Variants in ACTN2 observed in about 807,000 individuals in gnomAD.
The protein encoded by ACTN2 is alpha-actinin-2.
ACTN2 carries 39 observed loss-of-function variants against 113.8 expected under a neutral mutation model. The observed-to-expected ratio is 0.34, with a 90% CI of 0.27 to 0.45. ACTN2 has a LOEUF of 0.45. Ranked by LOEUF, ACTN2 falls within the 20% of genes least tolerant of loss-of-function variation. The pLI is 1.00. For missense variants in ACTN2, 992 were observed against 1,177.9 expected (o/e 0.84, Z 2.31); for synonymous variants, 429 against 444.1 (o/e 0.97, Z 0.43).
At chr1:236,753,860 C>CCCCCCAAGGAAAAAT in intron 15 of ACTN2, 87 bp from the exon 16 acceptor site, 1 of 1,320,870 alleles carries the variant, frequency 7.6e-7, no homozygotes, top group Non-Finnish European at 1.1e-6. Flanking sequence ...CTCCCACCCC[C>CCCCCCAAGGAAAAAT]ACCCCTTGGA....
At chr1:236,730,681 AT>A (rs1658689012) in intron 6 of ACTN2, among the ~76,000 whole-genome samples, 1 of 152,086 alleles carries the variant, frequency 6.6e-6, no homozygotes, top group African/African-American at 2.4e-5. Flanking sequence ...TAAGAACAAA[AT>A]TTTTTTCATG....
At chr1:236,746,579 G>A (rs1659244939) in intron 12 of ACTN2, among the ~76,000 whole-genome samples, 1 of 151,980 alleles carries the variant, frequency 6.6e-6, no homozygotes, top group African/African-American at 2.4e-5. Context: ...AGTGGCACAT[G>A]CCTGTAGTCC....
chr1:236,721,248 G>A (rs1324780999), intron 4 of ACTN2, among the ~76,000 whole-genome samples: 1 of 151,364 alleles, frequency 6.6e-6, no homozygotes, highest in Non-Finnish European at 1.5e-5. Context: ...GGATGGTCTC[G>A]ATCTCCTGAG....
chr1:236,703,481 A>T, intron 1 of ACTN2, among the ~76,000 whole-genome samples: 1 of 92,282 alleles, frequency 1.1e-5, no homozygotes, highest in Non-Finnish European at 2.1e-5. Flanking sequence ...AACATGTCTT[A>T]GACTTTGATT....
chr1:236,688,178 A>T (rs966696698), intron 1 of ACTN2, among the ~76,000 whole-genome samples: 2 of 152,074 alleles, frequency 1.3e-5, no homozygotes, highest in African/African-American at 4.8e-5. Context: ...AATTTTTAGC[A>T]GTGAGTGTTT....
intron 10 of ACTN2, among the ~76,000 whole-genome samples, chr1:236,740,625 C>T (rs950987027): frequency 4.8e-4 from 73 of 151,570 alleles, no homozygotes; most frequent in African/African-American, 1.7e-3. Flanking sequence ...CTCTGCCTCC[C>T]GAGTTCAAGC....
Position 236,757,610 on chromosome 1 carries a change from C to A in ACTN2, c.2279C>A (p.Ala760Asp). 6.2e-7 allele frequency: 1 copy of A among 1,614,152 alleles called. No homozygotes were observed. Among genetic ancestry groups the A allele is most frequent in the Non-Finnish European group, 8.5e-7 (1 of 1,180,036 alleles). ...ITQEQMNEFR[A>D]SFNHFDRRKN... ...CAGGAGCAGATGAATGAGTTCAGAGCCTCCTTCAACCACTTTGACAGGGTA... is the reference window on the plus strand; with the variant it reads ...CAGGAGCAGATGAATGAGTTCAGAGACTCCTTCAACCACTTTGACAGGGTA... The change falls in exon 18 of 21, where the codon GCC (alanine) becomes GAC (aspartate). Residue 760 changes from alanine (A) to aspartate (D), a missense_variant. Ala to Asp is a moderately radical substitution (Grantham distance 126). Around this residue, in one of 3 missense-constraint regions of ACTN2, gnomAD observed 736 missense variants for 815.4 expected, o/e 0.90. Coordinates refer to ENST00000366578, the MANE Select transcript of ACTN2 (RefSeq NM_001103.4).
Position 236,754,681 on chromosome 1 carries a change from C to A in ACTN2, c.1975-338C>A, listed in dbSNP as rs1659500997. Among the ~76,000 whole-genome samples the A allele has an allele frequency of 6.8e-6, 1 of 145,994 alleles. No homozygotes were observed. Among genetic ancestry groups the A allele is most frequent in the African/African-American group, 2.8e-5 (1 of 35,540 alleles). ...CTGGCAGCTCCACCCAGGCAGCCCACCCCCAGCCTCCTCCAGAGCAGGGTA... is the reference window on the plus strand; with the variant it reads ...CTGGCAGCTCCACCCAGGCAGCCCAACCCCAGCCTCCTCCAGAGCAGGGTA... On this transcript the variant is annotated intron_variant, in intron 16 of 20. Transcript: ENST00000366578. The surrounding 1 kb of genome is among the most constrained non-coding windows in gnomAD (Gnocchi z 4.9).
intron 5 of ACTN2, 134 bp from the exon 6 acceptor site, chr1:236,727,543 TA>T: frequency 1.2e-6 from 1 of 838,720 alleles, no homozygotes; most frequent in Non-Finnish European, 2.0e-6. Context: ...CCGGGCGGGG[TA>T]AAGAGGAAGC....
intron 1 of ACTN2, among the ~76,000 whole-genome samples, chr1:236,706,822 A>G (rs1208492217): frequency 6.6e-6 from 1 of 152,244 alleles, no homozygotes; most frequent in Non-Finnish European, 1.5e-5. Flanking sequence ...AAACTTTAAC[A>G]GGTACAAGCT....
intron 11 of ACTN2, 43 bp from the exon 12 acceptor site, chr1:236,744,583 G>T (rs1185547262): frequency 1.2e-6 from 2 of 1,611,150 alleles, no homozygotes; most frequent in South Asian, 2.2e-5. Context: ...GGAAGCCGCT[G>T]TGCCCTCAGC....
chr1:236,709,892 T>C (rs1657974271), intron 1 of ACTN2, among the ~76,000 whole-genome samples: 1 of 152,218 alleles, frequency 6.6e-6, no homozygotes, highest in Non-Finnish European at 1.5e-5. Context: ...TTATTTTATG[T>C]AATTATTATT....
At chr1:236,747,892 A>T in intron 13 of ACTN2, 117 bp downstream of exon 13, 1 of 805,084 alleles carries the variant, frequency 1.2e-6, no homozygotes, top group South Asian at 1.5e-5. Context: ...TAGTGAAAGG[A>T]ACCTCTAAAG....
chr1:236,742,535 T>A (rs1298089099), intron 10 of ACTN2, among the ~76,000 whole-genome samples: 3 of 150,872 alleles, frequency 2.0e-5, no homozygotes, highest in East Asian at 3.9e-4. Context: ...TCCATTTCTT[T>A]AAAAAAAAAC....
intron 19 of ACTN2, among the ~76,000 whole-genome samples, 192 bp downstream of exon 19, chr1:236,759,981 C>T (rs567789545): frequency 2.0e-5 from 3 of 152,326 alleles, no homozygotes; most frequent in African/African-American, 7.2e-5. Context: ...CGCAGTGGCT[C>T]ACGCCTGTAA....
In ACTN2 at chr1:236,739,525, T is replaced by C; in HGVS notation, c.1100T>C (p.Met367Thr). The stretch of plus-strand genomic sequence containing the variant: ...GCCTTCATGCCCTCCGAGGGCAAGA[T>C]GGTGTCGGTGAGTAGCAAGCGCCAA... ...RPAFMPSEGK[M>T]VSDIAGAWQR... The change falls in exon 10 of 21, where the codon ATG becomes ACG. Residue 367 changes from methionine (M) to threonine (T), a missense_variant. By Grantham distance (81) the Met-to-Thr change is moderately conservative. This residue lies in a region of ACTN2 where 736 missense variants were observed against 815.4 expected (regional missense o/e 0.90). Transcript: ENST00000366578. 1.2e-6 allele frequency: 2 copies of C among 1,614,004 alleles called. No individual in the cohort carries two copies. The highest frequency in any genetic ancestry group is 8.5e-7 in the Non-Finnish European group (1 of 1,179,880).
chr1:236,753,463 A>T (rs1296788438), intron 15 of ACTN2, among the ~76,000 whole-genome samples: 2 of 152,194 alleles, frequency 1.3e-5, no homozygotes, highest in Non-Finnish European at 2.9e-5. Flanking sequence ...TGATAAGGTC[A>T]CAGGGACTAC....
intron 18 of ACTN2, among the ~76,000 whole-genome samples, chr1:236,759,499 C>T (rs968673521): frequency 5.9e-5 from 9 of 152,170 alleles, no homozygotes; most frequent in African/African-American, 2.2e-4. Flanking sequence ...GGTCTCCTTT[C>T]GTTTTTGTCT....
At chr1:236,709,255 T>TATATATATACAC (rs796606511) in intron 1 of ACTN2, among the ~76,000 whole-genome samples, 7 of 68,900 alleles carry the variant, frequency 1.0e-4, no homozygotes, top group African/African-American at 1.6e-4. Context: ...TATATATATA[T>TATATATATACAC]ACACACACAC....
Sources: gnomAD v4.1 joint callset for allele counts (sites outside exome capture counted in the v4.1 genomes callset) on GRCh38, gnomAD v4.1.1 for gene constraint, gnomAD v4.1.1 regional missense constraint, Gnocchi (gnomAD v3.1) non-coding constraint, MANE v1.5 for transcripts, NCBI Gene and HGNC (gene_info 2026-07-23, HGNC 2026-07-21) for gene names.